The following MSANTD2 variants were observed in gnomAD, a reference collection of about 807,000 sequenced individuals.
MSANTD2 encodes myb/SANT-like DNA-binding domain-containing protein 2.
Under a neutral mutation model 52.6 loss-of-function variants are expected in MSANTD2, and 19 were observed. That is an observed-to-expected ratio of 0.36 (90% CI 0.25 to 0.53). The LOEUF (loss-of-function observed/expected upper bound fraction) is 0.53, where lower values mean the gene tolerates loss of function less well. Ranked by LOEUF, MSANTD2 falls within the 20% of genes least tolerant of loss-of-function variation. The pLI, the probability that MSANTD2 is intolerant of heterozygous loss-of-function variation, is 0.91. For missense variants in MSANTD2, 558 were observed against 716.3 expected, an observed-to-expected ratio of 0.78 and a Z score of 2.52; for synonymous variants, 291 against 289.7, an observed-to-expected ratio of 1.00 and a Z score of -0.04.
chr11:124,793,582 T>C (rs1353718734), intron 1 of MSANTD2, among the ~76,000 whole-genome samples: 3 of 152,192 alleles, frequency 2.0e-5, no homozygotes, highest in African/African-American at 7.2e-5. Flanking sequence ...AAAAATTCAA[T>C]TTTGCAGTCA....
chr11:124,800,198 C>T lies in MSANTD2; in HGVS notation c.183G>A (p.Ala61=), dbSNP rs779616510. ...GCCCCAGCCCGAGACCCCCGGACGC[C>T]GCTGCCCCCGAGCCCGCCGCACTGC... The part of the protein sequence containing the change: ...GPGSAAGSGA[A]ASGGLGLGLG... The change falls in exon 1 of 4, where the codon GCG becomes GCA. Residue 61 remains alanine, a synonymous_variant. Coordinates refer to ENST00000374979, the MANE Select transcript of MSANTD2 (RefSeq NM_001308027.2). The surrounding 1 kb of genome is among the most constrained non-coding windows in gnomAD (Gnocchi z 4.3). The T allele has an allele frequency of 8.2e-5, 121 of 1,473,344 alleles. No homozygotes were observed. The highest frequency in any genetic ancestry group is 1.0e-4 in the Non-Finnish European group (117 of 1,114,544). The allele number at this position is 1,473,344 out of a possible 1,614,324, so 91.3% of individuals were successfully genotyped here.
intron 1 of MSANTD2, chr11:124,784,302 G>C (rs531437297): frequency 1.1e-5 from 11 of 985,296 alleles, no homozygotes; most frequent in South Asian, 4.7e-5. Flanking sequence ...CTACATCAAA[G>C]AGGTATTCAG....
In MSANTD2 at chr11:124,798,335, T is replaced by C. The variant is rs189616483; in HGVS notation, c.510+1536A>G. Among the ~76,000 whole-genome samples the C allele has an allele frequency of 2.6e-4, 40 of 151,830 alleles. No homozygotes were observed. The East Asian group carries it at 7.2e-3, about 27-fold the overall frequency. On this transcript the variant is annotated intron_variant, in intron 1 of 3. Coordinates refer to ENST00000374979, the MANE Select transcript of MSANTD2 (RefSeq NM_001308027.2). ...GAGGATTGTTTGAGCCCAGGAGTTC[T>C]TCAGGTTGGGCAAGAGAGGGAGATC...
chr11:124,791,644 C>A, intron 1 of MSANTD2: 1 of 1,474,368 alleles, frequency 6.8e-7, no homozygotes, highest in Non-Finnish European at 9.4e-7. Flanking sequence ...TCCAGACTTT[C>A]TTTGCACCAG....
intron 1 of MSANTD2, chr11:124,789,800 T>C (rs1328164227): frequency 6.6e-6 from 1 of 152,160 alleles, no homozygotes; most frequent in African/African-American, 2.4e-5. Flanking sequence ...CCAGATAATT[T>C]GTAACATATG....
intron 2 of MSANTD2, 74 bp from the exon 3 acceptor site, chr11:124,773,128 T>C (rs1008975047): frequency 3.7e-6 from 3 of 818,968 alleles, no homozygotes; most frequent in African/African-American, 3.4e-5. Context: ...TAAGTAGCTA[T>C]GTTTACTGAT....
intron 3 of MSANTD2, among the ~76,000 whole-genome samples, chr11:124,768,704 G>A (rs1258792300): frequency 6.6e-6 from 1 of 152,086 alleles, no homozygotes; most frequent in Non-Finnish European, 1.5e-5. Flanking sequence ...GAATTCAGAT[G>A]GAAAAGGCTC....
chr11:124,775,448 G>A (rs910859416), intron 1 of MSANTD2: 8 of 157,042 alleles, frequency 5.1e-5, no homozygotes, highest in Non-Finnish European at 4.2e-5. Context: ...GATTAAGAAG[G>A]AATGAATACA....
intron 3 of MSANTD2, among the ~76,000 whole-genome samples, chr11:124,770,504 G>T (rs1429857140): frequency 6.6e-6 from 1 of 152,054 alleles, no homozygotes; most frequent in East Asian, 1.9e-4. Context: ...TAGCTATGTT[G>T]CCCAGACTGG....
intron 3 of MSANTD2, among the ~76,000 whole-genome samples, chr11:124,771,615 C>T (rs1466103890): frequency 3.3e-5 from 5 of 152,126 alleles, no homozygotes; most frequent in Admixed American, 1.3e-4. Flanking sequence ...ACTAAAAATA[C>T]GAAAATTAGC....
In MSANTD2 at chr11:124,768,075, G is replaced by A. The variant is rs372776517; in HGVS notation, c.828-47C>T. The A allele has an allele frequency of 2.3e-5, 35 of 1,533,976 alleles. No individual in the cohort carries two copies. The South Asian group carries it at 2.4e-4, about 11-fold the overall frequency. The stretch of plus-strand genomic sequence containing the variant: ...AAATTCCCTAAGTATCTAGAACAGC[G>A]GTGTCAGATAGAACTTTCTGTGATG... On this transcript the variant is annotated intron_variant, in intron 3 of 3. Coordinates refer to ENST00000374979, the MANE Select transcript of MSANTD2 (RefSeq NM_001308027.2).
At chr11:124,771,347 C>T (rs1320369317) in intron 3 of MSANTD2, among the ~76,000 whole-genome samples, 1 of 152,196 alleles carries the variant, frequency 6.6e-6, no homozygotes, top group African/African-American at 2.4e-5. Context: ...CTCCTCATCC[C>T]TGAACTCTCA....
At chr11:124,769,857 T>C (rs2135228670) in intron 3 of MSANTD2, among the ~76,000 whole-genome samples, 1 of 152,320 alleles carries the variant, frequency 6.6e-6, no homozygotes, top group South Asian at 2.1e-4. Context: ...GGAAAATAAA[T>C]GGCCTACCCA....
chr11:124,799,327 CTCGTCCT>C (rs1945601087), intron 1 of MSANTD2, among the ~76,000 whole-genome samples: 1 of 152,368 alleles, frequency 6.6e-6, no homozygotes, highest in African/African-American at 2.4e-5. Context: ...TCTAGTCTTA[CTCGTCCT>C]TCGTAGCTCA....
intron 1 of MSANTD2, among the ~76,000 whole-genome samples, chr11:124,782,591 A>G (rs1013769993): frequency 4.6e-5 from 7 of 152,242 alleles, no homozygotes; most frequent in African/African-American, 1.4e-4. Context: ...GGAGTTTGGC[A>G]TATGAAAATT....
At chr11:124,794,550 A>G (rs899944932) in intron 1 of MSANTD2, among the ~76,000 whole-genome samples, 1 of 152,258 alleles carries the variant, frequency 6.6e-6, no homozygotes, top group African/African-American at 2.4e-5. Flanking sequence ...TATTTCTTAG[A>G]AATCTTTCAA....
Position 124,800,082 on chromosome 11 carries a change from C to A in MSANTD2, c.299G>T (p.Arg100Leu), listed in dbSNP as rs1401213641. ...GAAAAAAAAC[R>L]GMSWTPAETN... ...CTCGGCTGGCGTCCACGACATGCCCCGGCAGGCGGCGGCGGCGGCTGCCGC... is the reference window on the plus strand; with the variant it reads ...CTCGGCTGGCGTCCACGACATGCCCAGGCAGGCGGCGGCGGCGGCTGCCGC... The change falls in exon 1 of 4, where the codon CGG becomes CTG. Residue 100 changes from arginine (R) to leucine (L), a missense_variant. This residue lies in a region of MSANTD2 where 408 missense variants were observed against 573.6 expected (regional missense o/e 0.71). Coordinates refer to ENST00000374979, the MANE Select transcript of MSANTD2 (RefSeq NM_001308027.2). This position sits in a 1 kb window ranked among gnomAD's most constrained non-coding sequence, Gnocchi z 4.3. 6.7e-7 allele frequency: 1 copy of A among 1,493,806 alleles called. No homozygotes were observed. The highest frequency in any genetic ancestry group is 8.8e-7 in the Non-Finnish European group (1 of 1,131,736). 92.5% of individuals were successfully genotyped at this position (1,493,806 alleles called of 1,614,324 possible).
chr11:124,787,787 T>G (rs1945206788), intron 1 of MSANTD2, among the ~76,000 whole-genome samples: 1 of 152,186 alleles, frequency 6.6e-6, no homozygotes. Context: ...TTGACTTTTT[T>G]GCTCAGTTCT....
chr11:124,791,596 C>T (rs2135267649), intron 1 of MSANTD2: 6 of 1,461,714 alleles, frequency 4.1e-6, no homozygotes, highest in East Asian at 4.6e-5. Flanking sequence ...GGAGTAAGCC[C>T]GCTGCCCAAT....
Sources: allele counts gnomAD v4.1 joint callset (sites outside exome capture counted in the v4.1 genomes callset), GRCh38; gene constraint gnomAD v4.1.1; regional missense constraint gnomAD v4.1.1; non-coding constraint Gnocchi (gnomAD v3.1); transcripts MANE v1.5; gene names NCBI Gene and HGNC (gene_info 2026-07-23, HGNC 2026-07-21).